Variants in ARHGEF10 observed in about 807,000 individuals in gnomAD.
ARHGEF10 encodes Rho guanine nucleotide exchange factor 10.
ARHGEF10 carries 140 observed loss-of-function variants against 147.4 expected under a neutral mutation model. The ratio of observed to expected loss-of-function variants is 0.95; its 90% CI spans 0.83 to 1.09. The LOEUF (loss-of-function observed/expected upper bound fraction) is 1.09, where lower values mean the gene tolerates loss of function less well. Among genes scored for constraint, ARHGEF10 ranks in the 50% least tolerant of loss-of-function variants. The pLI, the probability that ARHGEF10 is intolerant of heterozygous loss-of-function variation, is 0.00. For missense variants in ARHGEF10, 2,222 were observed against 1,752.7 expected, an observed-to-expected ratio of 1.27 and a Z score of -4.78; for synonymous variants, 902 against 695.8, an observed-to-expected ratio of 1.30 and a Z score of -4.67.
rs1481311799 is a variant in ARHGEF10 at position 1,841,978 on chromosome 8, CGGCGG to C, written c.-47-1373_-47-1369del. 1.6e-4 allele frequency among the ~76,000 whole-genome samples: 10 copies of C among 61,456 alleles called. 1 individual carries two copies. The highest frequency in any genetic ancestry group is 9.0e-4 in the Admixed American group (5 of 5,582). The allele number at this position is 61,456 out of a possible 152,430, so 40.3% of individuals were successfully genotyped here. A position where few individuals can be genotyped will look rare whatever the true frequency, so the allele number is the denominator to read the frequency against. On this transcript the variant is annotated intron_variant, in intron 1 of 28. Coordinates refer to ENST00000349830, the MANE Select transcript of ARHGEF10 (RefSeq NM_014629.4). ...GGGGCCGCGACCGGAACTGGGGCCG[CGGCGG>C]GAACTGGGGCCGCGGCGGGAACTGG...
At chr8:1,943,543 C>T (rs772188475) in intron 26 of ARHGEF10, 2 of 152,204 alleles carry the variant, frequency 1.3e-5, no homozygotes, top group South Asian at 4.1e-4. Flanking sequence ...GCTCTGTCTC[C>T]CACGCCGCAC....
intron 19 of ARHGEF10, 29 bp downstream of exon 19, chr8:1,923,108 T>C (rs1812423247): frequency 6.7e-7 from 1 of 1,490,236 alleles, no homozygotes; most frequent in Non-Finnish European, 9.3e-7. Context: ...GGATTTAAGA[T>C]TCTGCCTTTA....
At chr8:1,879,785 T>C (rs1808024003) in intron 8 of ARHGEF10, among the ~76,000 whole-genome samples, 1 of 152,056 alleles carries the variant, frequency 6.6e-6, no homozygotes. Context: ...ACTCCTGAGC[T>C]CAATTGATCC....
chr8:1,906,835 G>T (rs974826375), intron 17 of ARHGEF10, among the ~76,000 whole-genome samples: 1 of 152,236 alleles, frequency 6.6e-6, no homozygotes, highest in East Asian at 1.9e-4. Flanking sequence ...CTGCCTGCGA[G>T]GGACAGGTTT....
chr8:1,934,334 A>G (rs1174322841), intron 26 of ARHGEF10, among the ~76,000 whole-genome samples: 1 of 142,508 alleles, frequency 7.0e-6, no homozygotes, highest in Non-Finnish European at 1.5e-5. Context: ...AGCCTGGGTG[A>G]CAGAACAAGA....
chr8:1,858,153 T>A (rs558780378), intron 3 of ARHGEF10, 38 bp downstream of exon 3: 19,612 of 1,485,536 alleles, frequency 0.013, 70 homozygotes, highest in Non-Finnish European at 0.016. Flanking sequence ...AGTCCCCAGG[T>A]GGGTCCCCAG....
intron 15 of ARHGEF10, among the ~76,000 whole-genome samples, chr8:1,900,761 C>T (rs7015000): frequency 0.28 from 43,004 of 152,114 alleles, 6,361 homozygotes; most frequent in South Asian, 0.38. Flanking sequence ...AAGACTTGCA[C>T]TTAGAAAGAT....
chr8:1,915,918 T>A (rs1811729079), intron 18 of ARHGEF10, among the ~76,000 whole-genome samples: 1 of 152,258 alleles, frequency 6.6e-6, no homozygotes, highest in Non-Finnish European at 1.5e-5. Context: ...CCTGGAGCTA[T>A]GACTGTCAGT....
intron 18 of ARHGEF10, among the ~76,000 whole-genome samples, chr8:1,922,194 T>C (rs1374712970): frequency 3.3e-5 from 5 of 151,928 alleles, no homozygotes; most frequent in African/African-American, 9.7e-5. Flanking sequence ...CAATTCTCAC[T>C]TGGGCAAATA....
chr8:1,833,474 A>G (rs58054824), intron 1 of ARHGEF10, among the ~76,000 whole-genome samples: 67,565 of 151,328 alleles, frequency 0.45, 15,413 homozygotes, highest in Middle Eastern at 0.56. Context: ...AGGGGCAGAG[A>G]CAGGGGCAGG....
chr8:1,956,648 G>C, intron 28 of ARHGEF10, 101 bp from the exon 29 acceptor site: 3 of 1,256,438 alleles, frequency 2.4e-6, no homozygotes, highest in South Asian at 1.2e-5. Flanking sequence ...TGTTATTTGG[G>C]CAGGGAGGAA....
At position 1,948,618 on chromosome 8, in the gene ARHGEF10, A is replaced by G. The variant is rs1275698716; in HGVS notation, c.3397+2963A>G. Among the ~76,000 whole-genome samples the G allele has an allele frequency of 6.6e-6, 1 of 152,078 alleles. No individual in the cohort carries two copies. Among genetic ancestry groups the G allele is most frequent in the Non-Finnish European group, 1.5e-5 (1 of 68,032 alleles). ...GCTTCTGACAGTGATTCTCTGTAAG[A>G]TCCTCAGTGCGGCATAGACTGAAAT... On this transcript the variant is annotated intron_variant, in intron 27 of 28. Coordinates refer to ENST00000349830, the MANE Select transcript of ARHGEF10 (RefSeq NM_014629.4). This position sits in a 1 kb window ranked among gnomAD's most constrained non-coding sequence, Gnocchi z 4.9.
chr8:1,831,199 T>C (rs1321986016), intron 1 of ARHGEF10, among the ~76,000 whole-genome samples: 4 of 151,962 alleles, frequency 2.6e-5, no homozygotes, highest in African/African-American at 4.8e-5. Context: ...TGGACATCCA[T>C]GGAGGGACAG....
chr8:1,946,030 C>T, intron 27 of ARHGEF10: 1 of 388,594 alleles, frequency 2.6e-6, no homozygotes, highest in South Asian at 2.4e-5. Context: ...AACAGGAGGC[C>T]TCCCTTTGGC....
intron 26 of ARHGEF10, among the ~76,000 whole-genome samples, chr8:1,944,067 T>C: frequency 6.6e-6 from 1 of 151,598 alleles, no homozygotes; most frequent in Non-Finnish European, 1.5e-5. Flanking sequence ...GACCCCAGCC[T>C]CCCGCACCGT....
chr8:1,909,574 G>T (rs1811204382), intron 18 of ARHGEF10, 104 bp downstream of exon 18: 5 of 1,473,600 alleles, frequency 3.4e-6, no homozygotes, highest in Non-Finnish European at 3.7e-6. Flanking sequence ...CAGGTTCAGG[G>T]TTTAACATGG....
intron 26 of ARHGEF10, among the ~76,000 whole-genome samples, chr8:1,940,998 A>G (rs966388873): frequency 6.6e-6 from 1 of 152,228 alleles, no homozygotes. Context: ...CATCTATAAA[A>G]CACTCACAGC....
At chr8:1,866,782 G>A (rs980306713) in intron 6 of ARHGEF10, among the ~76,000 whole-genome samples, 180 bp downstream of exon 6, 5 of 152,226 alleles carry the variant, frequency 3.3e-5, no homozygotes, top group African/African-American at 7.2e-5. Flanking sequence ...CCCTGAAGCT[G>A]TCACTTCCCG....
rs903561538 is a variant in ARHGEF10 at position 1,866,669 on chromosome 8, CG to C, written c.622+70del. ...TCCACAGACGTCACTGCGGCGGGGC[CG>C]GGTCCCTGAGTCTCAGGTCCCATCA... On this transcript the variant is annotated intron_variant, in intron 6 of 28. Coordinates refer to ENST00000349830, the MANE Select transcript of ARHGEF10 (RefSeq NM_014629.4). 10 of 1,463,198 alleles carry C rather than the reference CG, an allele frequency of 6.8e-6. No homozygotes were observed. The African/African-American group carries it at 1.4e-4, about 20-fold the overall frequency. The allele number at this position is 1,463,198 out of a possible 1,614,324, so 90.6% of individuals were successfully genotyped here.
Sources: allele counts gnomAD v4.1 joint callset (sites outside exome capture counted in the v4.1 genomes callset), GRCh38; gene constraint gnomAD v4.1.1; non-coding constraint Gnocchi (gnomAD v3.1); transcripts MANE v1.5; gene names NCBI Gene and HGNC (gene_info 2026-07-23, HGNC 2026-07-21).